The following TYR variants were observed in gnomAD, a reference collection of about 807,000 sequenced individuals.
The protein encoded by TYR is LB24-AB.
A neutral mutation model predicts 51.5 loss-of-function variants in TYR; 58 were observed. That is an observed-to-expected ratio of 1.13 (90% CI 0.91 to 1.40). The LOEUF is 1.40. TYR is among the 40% of genes most tolerant of loss of function. The pLI is 0.00. For missense variants in TYR, 732 were observed against 647.4 expected (o/e 1.13, Z -1.42); for synonymous variants, 263 against 235.2 (o/e 1.12, Z -1.08).
At chr11:89,276,398 A>G (rs1205900228) in intron 3 of TYR, among the ~76,000 whole-genome samples, 1 of 151,836 alleles carries the variant, frequency 6.6e-6, no homozygotes, top group Non-Finnish European at 1.5e-5. Context: ...AAGAACAGAA[A>G]CCTAGATAGG....
chr11:89,266,964 T>G (rs1220368560), intron 3 of TYR, among the ~76,000 whole-genome samples: 1 of 151,966 alleles, frequency 6.6e-6, no homozygotes, highest in Non-Finnish European at 1.5e-5. Context: ...ATAGGAATGA[T>G]ATCCTTTTGT....
Position 89,295,424 on chromosome 11 carries a change from T to C in TYR, c.*58T>C. ...CTGACCTCACTCTAACTCAAAGTAATGTCCAGGTTCCCAGAGAATATCTGC... is the reference window on the plus strand; with the variant it reads ...CTGACCTCACTCTAACTCAAAGTAACGTCCAGGTTCCCAGAGAATATCTGC... On this transcript the variant is annotated 3_prime_UTR_variant, in exon 5 of 5. Coordinates refer to ENST00000263321, the MANE Select transcript of TYR (RefSeq NM_000372.5). 1 of 1,542,890 alleles carries C rather than the reference T, an allele frequency of 6.5e-7. No individual in the cohort carries two copies. Among genetic ancestry groups the C allele is most frequent in the Non-Finnish European group, 8.8e-7 (1 of 1,130,204 alleles).
Position 89,233,043 on chromosome 11 carries a change from A to G in TYR, c.1184+5073A>G, listed in dbSNP as rs908688010. On this transcript the variant is annotated intron_variant, in intron 3 of 4. Coordinates refer to ENST00000263321, the MANE Select transcript of TYR (RefSeq NM_000372.5). ...ATTTCTCTGTAGCATACTATGCTGT[A>G]TGATAGCATTTTACCTATAGTAAAA... 4.2e-5 allele frequency among the ~76,000 whole-genome samples: 6 copies of G among 143,598 alleles called. 1 individual carries two copies. The highest frequency in any genetic ancestry group is 1.4e-4 in the Admixed American group (2 of 14,474). The allele number at this position is 143,598 out of a possible 152,430, so 94.2% of individuals were successfully genotyped here.
chr11:89,180,124 A>G (rs1943282184), intron 1 of TYR, among the ~76,000 whole-genome samples: 1 of 152,194 alleles, frequency 6.6e-6, no homozygotes, highest in African/African-American at 2.4e-5. Flanking sequence ...ACCAAATGTA[A>G]TGGGTTTTGT....
chr11:89,201,677 T>C (rs1179971306), intron 2 of TYR, among the ~76,000 whole-genome samples: 1 of 152,218 alleles, frequency 6.6e-6, no homozygotes, highest in Non-Finnish European at 1.5e-5. Context: ...CCATTGCTTT[T>C]GCACCATCAG....
intron 4 of TYR, among the ~76,000 whole-genome samples, chr11:89,287,384 T>C (rs1180358695): frequency 6.6e-6 from 1 of 151,978 alleles, no homozygotes; most frequent in Non-Finnish European, 1.5e-5. Context: ...CACCAGGTTT[T>C]TTTTTATGTG....
chr11:89,260,610 A>C (rs1267858214), intron 3 of TYR, among the ~76,000 whole-genome samples: 1 of 152,150 alleles, frequency 6.6e-6, no homozygotes, highest in African/African-American at 2.4e-5. Flanking sequence ...CATCCACCAG[A>C]AAAAGTAAAG....
chr11:89,244,328 T>C lies in TYR; in HGVS notation c.1184+16358T>C, dbSNP rs891578535. 4.3e-4 allele frequency among the ~76,000 whole-genome samples: 66 copies of C among 151,738 alleles called. 1 individual carries two copies. The highest frequency in any genetic ancestry group is 1.5e-3 in the African/African-American group (62 of 41,258). ...ATCTACTAGGCAGTTGAGCTCCAGG[T>C]CCTGCATTTTTCCTGACATACTCTG... On this transcript the variant is annotated intron_variant, in intron 3 of 4. Coordinates refer to ENST00000263321, the MANE Select transcript of TYR (RefSeq NM_000372.5).
At chr11:89,289,448 T>G (rs1032564751) in intron 4 of TYR, among the ~76,000 whole-genome samples, 1 of 151,960 alleles carries the variant, frequency 6.6e-6, no homozygotes, top group African/African-American at 2.4e-5. Context: ...AGTGGGACAG[T>G]CTTCTGGGGT....
At chr11:89,259,410 G>A (rs1944432118) in intron 3 of TYR, among the ~76,000 whole-genome samples, 1 of 152,026 alleles carries the variant, frequency 6.6e-6, no homozygotes, top group Non-Finnish European at 1.5e-5. Context: ...CACTGAGAAA[G>A]TAATGCCAAG....
chr11:89,294,453 C>G (rs1287389801), intron 4 of TYR, among the ~76,000 whole-genome samples: 3 of 152,130 alleles, frequency 2.0e-5, no homozygotes, highest in Non-Finnish European at 4.4e-5. Flanking sequence ...AAGGCCAGGC[C>G]CCTGCCCTCC....
At chr11:89,246,722 G>T (rs1451454753) in intron 3 of TYR, among the ~76,000 whole-genome samples, 5 of 152,032 alleles carry the variant, frequency 3.3e-5, no homozygotes, top group Admixed American at 2.6e-4. Context: ...ATCCTGCTAA[G>T]AAGACTGTCC....
At chr11:89,242,505 C>T (rs567073956) in intron 3 of TYR, among the ~76,000 whole-genome samples, 96 of 152,202 alleles carry the variant, frequency 6.3e-4, no homozygotes, top group African/African-American at 2.2e-3. Context: ...CCACTGTGCC[C>T]GGCCTCTTTA....
At chr11:89,274,154 AG>A (rs1209276896) in intron 3 of TYR, among the ~76,000 whole-genome samples, 3 of 151,914 alleles carry the variant, frequency 2.0e-5, no homozygotes, top group Non-Finnish European at 4.4e-5. Context: ...AGAATTGTTA[AG>A]TATCACAATC....
chr11:89,263,697 C>A (rs1275824799), intron 3 of TYR, among the ~76,000 whole-genome samples: 1 of 151,698 alleles, frequency 6.6e-6, no homozygotes, highest in African/African-American at 2.4e-5. Flanking sequence ...TAAACATTAG[C>A]AATAAACAAA....
chr11:89,218,862 A>T (rs1038782261), intron 2 of TYR, among the ~76,000 whole-genome samples: 1 of 152,202 alleles, frequency 6.6e-6, no homozygotes, highest in Admixed American at 6.5e-5. Flanking sequence ...CAAGTGTTCC[A>T]AATAGAAAAG....
rs111795534 is a variant in TYR, at chr11:89,212,762, C to T, written c.1037-15061C>T. Among the ~76,000 whole-genome samples the T allele has an allele frequency of 8.0e-3, 1,210 of 152,160 alleles. 14 individuals are homozygous for T. The highest frequency in any genetic ancestry group is 0.027 in the African/African-American group (1,104 of 41,524). On this transcript the variant is annotated intron_variant, in intron 2 of 4. Coordinates refer to ENST00000263321, the MANE Select transcript of TYR (RefSeq NM_000372.5). ...ACCACAATCAAGTTGGCTTCATCCC[C>T]GGGATGCAAGGCTGGTTCAACATAC...
At position 89,178,291 on chromosome 11, in the gene TYR, C is replaced by G. The variant is rs1943253026; in HGVS notation, c.338C>G (p.Thr113Arg). Residue 113 changes from threonine to arginine, a missense_variant, in exon 1 of 5, where the codon ACA (threonine) becomes AGA (arginine). Thr to Arg is a moderately conservative substitution (Grantham distance 71, BLOSUM62 -1). Transcript: ENST00000263321. The stretch of plus-strand genomic sequence containing the variant: ...TTTGGCTTTTGGGGACCAAACTGCA[C>G]AGAGAGACGACTCTTGGTGAGAAGA... ...CKFGFWGPNCTERRLLVRRNI... is the reference protein window; with the variant it reads ...CKFGFWGPNCRERRLLVRRNI... 2 of 1,614,190 alleles carry G rather than the reference C, an allele frequency of 1.2e-6. No homozygotes were observed. Among genetic ancestry groups the G allele is most frequent in the Non-Finnish European group, 8.5e-7 (1 of 1,180,040 alleles).
intron 3 of TYR, among the ~76,000 whole-genome samples, chr11:89,260,297 C>G (rs1044774030): frequency 9.3e-5 from 14 of 150,752 alleles, no homozygotes; most frequent in African/African-American, 3.2e-4. Flanking sequence ...GAGATCTGAG[C>G]AACATCATTA....
Sources: gnomAD v4.1 joint callset for allele counts (sites outside exome capture counted in the v4.1 genomes callset) on GRCh38, gnomAD v4.1.1 for gene constraint, MANE v1.5 for transcripts, NCBI Gene and HGNC (gene_info 2026-07-23, HGNC 2026-07-21) for gene names.